Variants in CPNE4 observed in about 807,000 individuals in gnomAD.
CPNE4 encodes copine 4.
Under a neutral mutation model 67.9 loss-of-function variants are expected in CPNE4, and 25 were observed. The observed-to-expected ratio is 0.37, with a 90% CI of 0.27 to 0.51. CPNE4 has a LOEUF of 0.51. Ranked by LOEUF, CPNE4 falls within the 20% of genes least tolerant of loss-of-function variation. CPNE4 has a pLI of 0.93. For missense variants in CPNE4, 464 were observed against 690.8 expected, an observed-to-expected ratio of 0.67 and a Z score of 3.68; for synonymous variants, 242 against 244.9, an observed-to-expected ratio of 0.99 and a Z score of 0.11.
chr3:131,743,998 A>G (rs1162063087), intron 2 of CPNE4, among the ~76,000 whole-genome samples: 1 of 149,092 alleles, frequency 6.7e-6, no homozygotes, highest in Non-Finnish European at 1.5e-5. Flanking sequence ...TAAAAGCATT[A>G]TAATGAAAAT....
intron 2 of CPNE4, among the ~76,000 whole-genome samples, chr3:131,759,038 A>C (rs1195128651): frequency 1.3e-5 from 2 of 152,156 alleles, no homozygotes; most frequent in Non-Finnish European, 2.9e-5. Context: ...ACTCAAAGAG[A>C]GAGTCAAACA....
At chr3:131,873,186 C>T (rs1036437082) in intron 2 of CPNE4, among the ~76,000 whole-genome samples, 12 of 152,190 alleles carry the variant, frequency 7.9e-5, no homozygotes, top group African/African-American at 2.9e-4. Context: ...CATGCCATCT[C>T]AACCTTTTCT....
chr3:131,911,140 T>C (rs527803173), intron 1 of CPNE4, among the ~76,000 whole-genome samples: 18 of 152,232 alleles, frequency 1.2e-4, no homozygotes, highest in African/African-American at 3.9e-4. Flanking sequence ...CCTCAGATAA[T>C]GACACCATCT....
chr3:131,934,150 A>T (rs1440036755), intron 1 of CPNE4, among the ~76,000 whole-genome samples: 1 of 152,152 alleles, frequency 6.6e-6, no homozygotes, highest in Admixed American at 6.5e-5. Flanking sequence ...AACTATGTTA[A>T]ATGCTGTTAT....
chr3:131,687,675 T>C (rs10512817), intron 5 of CPNE4, among the ~76,000 whole-genome samples: 4,832 of 152,324 alleles, frequency 0.032, 107 homozygotes, highest in East Asian at 0.1. Context: ...CATCCTAGTC[T>C]TCAGCTCAGC....
In CPNE4 at chr3:131,666,287, A is replaced by G. The variant is rs563229142; in HGVS notation, c.681+3388T>C. Among the ~76,000 whole-genome samples, 3 of 152,324 alleles carry G rather than the reference A, an allele frequency of 2.0e-5. No homozygotes were observed. The East Asian group carries it at 5.8e-4, about 29-fold the overall frequency. On this transcript the variant is annotated intron_variant, in intron 7 of 15. Coordinates refer to ENST00000429747, the MANE Select transcript of CPNE4 (RefSeq NM_130808.3). ...AAGGCAAAATTAAATTTGAAAAAAT[A>G]TCTAAAAATTGAAAACAAAATGAAA...
At chr3:131,643,303 A>T (rs1228688721) in intron 7 of CPNE4, among the ~76,000 whole-genome samples, 1 of 152,240 alleles carries the variant, frequency 6.6e-6, no homozygotes, top group Admixed American at 6.5e-5. Flanking sequence ...TCATGGAGTC[A>T]AAGGGGATCA....
intron 2 of CPNE4, among the ~76,000 whole-genome samples, chr3:131,726,956 T>C (rs1447342508): frequency 1.3e-5 from 2 of 152,242 alleles, no homozygotes; most frequent in Non-Finnish European, 1.5e-5. Flanking sequence ...TCTGCAAAAA[T>C]GTGAATGCTT....
chr3:131,933,470 G>A (rs2071130093), intron 1 of CPNE4, among the ~76,000 whole-genome samples: 1 of 152,108 alleles, frequency 6.6e-6, no homozygotes, highest in Non-Finnish European at 1.5e-5. Context: ...TGGTATGGAA[G>A]TTATTCAAAA....
intron 2 of CPNE4, among the ~76,000 whole-genome samples, chr3:131,863,720 T>A (rs534350595): frequency 0.013 from 2,030 of 152,316 alleles, 23 homozygotes; most frequent in Middle Eastern, 0.027. Flanking sequence ...TTAGATCCCA[T>A]TTGTCAATTT....
intron 7 of CPNE4, among the ~76,000 whole-genome samples, chr3:131,627,597 T>G (rs2079112922): frequency 6.6e-6 from 1 of 152,194 alleles, no homozygotes; most frequent in Non-Finnish European, 1.5e-5. Context: ...CAAAGTAAAT[T>G]GAAAATAGTT....
In CPNE4 at chr3:131,978,186, ATATATT is replaced by A. The variant is rs1300138679; in HGVS notation, c.-2+56375_-2+56380del. ...ATATATAAATATGTAAATATATATA[ATATATT>A]TATAATTATTATATATAATATATAT... On this transcript the variant is annotated intron_variant, in intron 1 of 15. Coordinates refer to ENST00000429747, the MANE Select transcript of CPNE4 (RefSeq NM_130808.3). Among the ~76,000 whole-genome samples, 174 of 56,054 alleles carry A rather than the reference ATATATT, an allele frequency of 3.1e-3. 11 individuals are homozygous for A. The highest frequency in any genetic ancestry group is 4.1e-3 in the Non-Finnish European group (151 of 36,840). The allele number at this position is 56,054 out of a possible 152,430, so 36.8% of individuals were successfully genotyped here. A position where few individuals can be genotyped will look rare whatever the true frequency, so the allele number is the denominator to read the frequency against.
At chr3:131,814,893 C>T (rs937596444) in intron 2 of CPNE4, among the ~76,000 whole-genome samples, 5 of 136,382 alleles carry the variant, frequency 3.7e-5, no homozygotes, top group African/African-American at 7.5e-5. Context: ...CGTGAGCCAC[C>T]GCGCCCGGCC....
At chr3:131,971,372 G>A (rs76481520) in intron 1 of CPNE4, among the ~76,000 whole-genome samples, 9,143 of 152,174 alleles carry the variant, frequency 0.06, 354 homozygotes, top group Middle Eastern at 0.089. Context: ...CAGAAGGAAC[G>A]GTAATTCCAT....
chr3:131,864,445 G>A (rs1251542158), intron 2 of CPNE4, among the ~76,000 whole-genome samples: 3 of 151,956 alleles, frequency 2.0e-5, no homozygotes, highest in Admixed American at 6.6e-5. Context: ...TGGATTCCTA[G>A]TTATTTTTTT....
chr3:132,024,667 G>C (rs952551068), intron 1 of CPNE4, among the ~76,000 whole-genome samples: 2 of 152,038 alleles, frequency 1.3e-5, no homozygotes, highest in Non-Finnish European at 2.9e-5. Context: ...TGTCTGTTTC[G>C]TTCATCCCAC....
intron 1 of CPNE4, among the ~76,000 whole-genome samples, chr3:131,935,711 T>C (rs188448023): frequency 4.6e-5 from 7 of 152,082 alleles, no homozygotes; most frequent in Admixed American, 3.9e-4. Context: ...CTTTGAGAAA[T>C]AGCTTCTGCT....
At chr3:131,597,467 T>TA (rs1176457782) in intron 7 of CPNE4, among the ~76,000 whole-genome samples, 3 of 151,994 alleles carry the variant, frequency 2.0e-5, no homozygotes, top group African/African-American at 7.3e-5. Context: ...TAATAATAAT[T>TA]AAAAAAAGAA....
chr3:131,847,190 C>T (rs2086033807), intron 2 of CPNE4, among the ~76,000 whole-genome samples: 1 of 152,192 alleles, frequency 6.6e-6, no homozygotes, highest in Non-Finnish European at 1.5e-5. Context: ...TCTGTCTCAT[C>T]TCCCTCCATG....
Sources: allele counts gnomAD v4.1 joint callset (sites outside exome capture counted in the v4.1 genomes callset), GRCh38; gene constraint gnomAD v4.1.1; transcripts MANE v1.5; gene names NCBI Gene and HGNC (gene_info 2026-07-23, HGNC 2026-07-21).